Variants in TMEM40 observed in about 807,000 individuals in gnomAD.
The protein encoded by TMEM40 is transmembrane protein 40.
A neutral mutation model predicts 40.8 loss-of-function variants in TMEM40; 34 were observed. The ratio of observed to expected loss-of-function variants is 0.83; its 90% confidence interval spans 0.63 to 1.11. The LOEUF (loss-of-function observed/expected upper bound fraction) is 1.11. TMEM40 is among the 50% of genes least tolerant of loss of function. The pLI is 0.00. For synonymous variants in TMEM40, 106 were observed against 107.0 expected, an observed-to-expected ratio of 0.99 and a Z score of 0.06; for missense variants, 296 against 280.2, an observed-to-expected ratio of 1.06 and a Z score of -0.40.
intron 1 of TMEM40, among the ~76,000 whole-genome samples, chr3:12,758,184 G>A (rs867146552): frequency 7.2e-5 from 11 of 151,934 alleles, no homozygotes; most frequent in South Asian, 4.2e-4. Context: ...CGTGCAGCCA[G>A]CACTTGAGAT....
chr3:12,735,085 C>T lies in TMEM40; in HGVS notation c.683-292G>A, dbSNP rs185062965. On this transcript the variant is annotated intron_variant, in intron 11 of 11. Transcript: ENST00000314124. ...TCAAGAAAGACGATGTGCTTTCGCCCAGCCCAGCCACTAAAGCTGTGTGAC... is the reference window on the plus strand; with the variant it reads ...TCAAGAAAGACGATGTGCTTTCGCCTAGCCCAGCCACTAAAGCTGTGTGAC... Among the ~76,000 whole-genome samples the T allele has an allele frequency of 2.1e-3, 324 of 152,304 alleles. 1 individual carries two copies. Among genetic ancestry groups the T allele is most frequent in the African/African-American group, 7.3e-3 (304 of 41,572 alleles).
chr3:12,746,258 T>C (rs1275337537), intron 3 of TMEM40, among the ~76,000 whole-genome samples: 4 of 149,074 alleles, frequency 2.7e-5, no homozygotes, highest in Non-Finnish European at 5.9e-5. Flanking sequence ...TCACTGTTCA[T>C]TGCTAGTCCC....
At chr3:12,768,051 G>A (rs1020877945) in intron 1 of TMEM40, among the ~76,000 whole-genome samples, 4 of 152,090 alleles carry the variant, frequency 2.6e-5, no homozygotes, top group Non-Finnish European at 5.9e-5. Context: ...ACAGACCCTC[G>A]CAGTGTTACA....
Position 12,743,930 on chromosome 3 carries a change from C to A in TMEM40, c.271G>T (p.Ala91Ser). The change falls in exon 4 of 12, where the codon GCT becomes TCT. Residue 91 changes from alanine to serine, a missense_variant. By Grantham distance (99) the Ala-to-Ser change is moderately conservative. Coordinates refer to ENST00000314124, the MANE Select transcript of TMEM40 (RefSeq NM_018306.4). ...GAGCCGTTCCCGTGGGGGTATCCAG[C>A]CCCCAGGCTCCGTCGATGTTTTCCG... Reference protein sequence around the residue: ...ATGKHRRSLGAGYPHGNGSPG... With the variant: ...ATGKHRRSLGSGYPHGNGSPG... 1 of 1,613,048 alleles carries A rather than the reference C, an allele frequency of 6.2e-7. No individual in the cohort carries two copies. Among genetic ancestry groups the A allele is most frequent in the Non-Finnish European group, 8.5e-7 (1 of 1,179,566 alleles).
intron 1 of TMEM40, among the ~76,000 whole-genome samples, chr3:12,754,214 A>T (rs1369556689): frequency 6.6e-6 from 1 of 152,166 alleles, no homozygotes. Flanking sequence ...CGGGAGGCTG[A>T]GGAAGGAGAA....
intron 3 of TMEM40, 89 bp downstream of exon 3, chr3:12,748,566 G>T: frequency 1.3e-6 from 2 of 1,501,968 alleles, no homozygotes; most frequent in Admixed American, 1.9e-5. Flanking sequence ...GGAGTTTCAA[G>T]TACTTCAATG....
upstream of TMEM40, among the ~76,000 whole-genome samples, chr3:12,763,187 T>C (rs2106624465): frequency 1.3e-5 from 2 of 148,884 alleles, no homozygotes; most frequent in Admixed American, 1.3e-4. Context: ...AAAAAAGGTT[T>C]AAATGCCTGG....
chr3:12,734,101 T>TG lies in TMEM40; in HGVS notation c.*672dup, dbSNP rs2061320479. 1 of 151,950 alleles carries TG rather than the reference T, an allele frequency of 6.6e-6. No homozygotes were observed. Among genetic ancestry groups the TG allele is most frequent in the African/African-American group, 2.4e-5 (1 of 41,312 alleles). The allele number at this position is 151,950 out of a possible 1,614,324, so 9.4% of individuals were successfully genotyped here. Reference sequence around the variant, plus strand: ...GGTCATTAAAAAAAAATTGTAGAGATGGGGGTCTCACTATGTTGCCCAGGT... The same window carrying TG: ...GGTCATTAAAAAAAAATTGTAGAGATGGGGGGTCTCACTATGTTGCCCAGGT... On this transcript the variant is annotated 3_prime_UTR_variant, in exon 12 of 12. Transcript: ENST00000314124.
At chr3:12,764,118 T>G (rs1383464897), upstream of TMEM40, among the ~76,000 whole-genome samples, 1 of 151,978 alleles carries the variant, frequency 6.6e-6, no homozygotes, top group Admixed American at 6.6e-5. Context: ...CTCACCATGT[T>G]GGCCAGGCTG....
chr3:12,748,860 C>T, intron 2 of TMEM40, 68 bp from the exon 3 acceptor site: 8 of 1,433,446 alleles, frequency 5.6e-6, no homozygotes, highest in Non-Finnish European at 6.8e-6. Flanking sequence ...CCACCCAGTC[C>T]TCTCCAGGGT....
chr3:12,741,994 G>A (rs145924855), intron 5 of TMEM40, among the ~76,000 whole-genome samples: 2,432 of 152,302 alleles, frequency 0.016, 60 homozygotes, highest in African/African-American at 0.048. Context: ...CACTTTGGGA[G>A]GCCGAGGCGG....
chr3:12,763,961 G>A (rs577668576), upstream of TMEM40, among the ~76,000 whole-genome samples: 12 of 152,160 alleles, frequency 7.9e-5, no homozygotes, highest in African/African-American at 2.6e-4. Context: ...TGTCGCCCAG[G>A]CTGAAGTACA....
chr3:12,734,824 G>A, intron 11 of TMEM40, 31 bp from the exon 12 acceptor site: 1 of 1,592,212 alleles, frequency 6.3e-7, no homozygotes, highest in Non-Finnish European at 8.5e-7. Flanking sequence ...GATGGCATGG[G>A]ATTCTGAAGG....
chr3:12,748,830 C>T, intron 2 of TMEM40, 38 bp from the exon 3 acceptor site: 2 of 1,591,896 alleles, frequency 1.3e-6, no homozygotes, highest in East Asian at 2.2e-5. Context: ...GAGCGTTTCC[C>T]ACCCTTCCCA....
intron 1 of TMEM40, 141 bp from the exon 2 acceptor site, chr3:12,749,981 G>T: frequency 1.1e-6 from 1 of 871,592 alleles, no homozygotes; most frequent in Non-Finnish European, 1.7e-6. Context: ...AAAAATGGTA[G>T]TTCTGTTGGC....
intron 10 of TMEM40, 119 bp downstream of exon 10, chr3:12,736,459 T>C: frequency 7.5e-7 from 1 of 1,339,624 alleles, no homozygotes; most frequent in Non-Finnish European, 1.0e-6. Context: ...CAGAAAATTT[T>C]TTTAAAAGTG....
intron 1 of TMEM40, among the ~76,000 whole-genome samples, chr3:12,768,329 C>A (rs1159407021): frequency 6.6e-6 from 1 of 152,084 alleles, no homozygotes; most frequent in African/African-American, 2.4e-5. Flanking sequence ...GAAAGGTGAC[C>A]CCAGCGGGTT....
intron 3 of TMEM40, among the ~76,000 whole-genome samples, chr3:12,747,860 A>C (rs2061441228): frequency 6.7e-6 from 1 of 149,766 alleles, no homozygotes; most frequent in African/African-American, 2.5e-5. Context: ...GCAGTGAGCC[A>C]AGATCACGCC....
At chr3:12,761,017 G>A (rs971567719), upstream of TMEM40, among the ~76,000 whole-genome samples, 3 of 152,256 alleles carry the variant, frequency 2.0e-5, no homozygotes, top group African/African-American at 7.2e-5. Flanking sequence ...GATTATAGGC[G>A]TAAGCCACTG....
Sources: gnomAD v4.1 joint callset for allele counts (sites outside exome capture counted in the v4.1 genomes callset) on GRCh38, gnomAD v4.1.1 for gene constraint, MANE v1.5 for transcripts, NCBI Gene and HGNC (gene_info 2026-07-23, HGNC 2026-07-21) for gene names.